DNAH8: variants seen among roughly 807,000 people sequenced by gnomAD.
DNAH8 encodes the protein dynein axonemal heavy chain 8.
A neutral mutation model predicts 562.1 loss-of-function variants in DNAH8; 382 were observed. The ratio of observed to expected loss-of-function variants is 0.68; its 90% CI spans 0.63 to 0.74. The LOEUF is 0.74. Among genes scored for constraint, DNAH8 ranks in the 30% least tolerant of loss-of-function variants. The pLI is 0.00. For synonymous variants in DNAH8, 1,881 were observed against 1,919.4 expected, an observed-to-expected ratio of 0.98 and a Z score of 0.52; for missense variants, 5,203 against 5,620.4, an observed-to-expected ratio of 0.93 and a Z score of 2.37.
In DNAH8 at chr6:38,909,647, A is replaced by T. The variant is rs145107574; in HGVS notation, c.9643A>T (p.Asn3215Tyr). 2.3e-4 allele frequency: 369 copies of T among 1,614,160 alleles called. 1 individual carries two copies. In the African/African-American group the frequency reaches 4.4e-3, roughly 19 times the overall value. ...GGCCTCCTACTTCCTTTCAGACTAT[A>T]ATATTGTCTGCTCTAGTGAAATTAA... Reference protein sequence around the residue: ...AVASYFLSDYNIVCSSEIKRQ... With the variant: ...AVASYFLSDYYIVCSSEIKRQ... Residue 3215 changes from asparagine (N) to tyrosine (Y), a missense_variant, in exon 65 of 93, where the codon AAT (asparagine) becomes TAT (tyrosine). Asn to Tyr is a moderately radical substitution (Grantham distance 143, BLOSUM62 -2). Transcript: ENST00000327475.
intron 67 of DNAH8, among the ~76,000 whole-genome samples, chr6:38,914,323 A>T (rs549122247): frequency 9.3e-5 from 14 of 150,320 alleles, no homozygotes; most frequent in East Asian, 7.8e-4. Flanking sequence ...TTTTTTTTTT[A>T]AAAGAAAGAA....
At chr6:38,757,268 CCAGTGATGATGAG>C (rs1433792234) in intron 10 of DNAH8, among the ~76,000 whole-genome samples, 5 of 152,012 alleles carry the variant, frequency 3.3e-5, no homozygotes, top group African/African-American at 1.2e-4. Context: ...TCTCTGATGG[CCAGTGATGATGAG>C]CATTTTTTCA....
chr6:38,834,524 A>G (rs1348781408), intron 31 of DNAH8, 55 bp from the exon 32 acceptor site: 2 of 1,240,178 alleles, frequency 1.6e-6, no homozygotes, highest in African/African-American at 1.5e-5. Context: ...AACCCAATAA[A>G]CTGACAAATA....
intron 39 of DNAH8, 152 bp downstream of exon 39, chr6:38,851,826 G>A: frequency 3.1e-6 from 2 of 645,200 alleles, no homozygotes; most frequent in Non-Finnish European, 5.4e-6. Context: ...TGTGTATTTG[G>A]AGCCTGTCAT....
intron 72 of DNAH8, among the ~76,000 whole-genome samples, chr6:38,923,733 C>G (rs1781897631): frequency 6.6e-6 from 1 of 152,142 alleles, no homozygotes; most frequent in East Asian, 1.9e-4. Flanking sequence ...ACTTTCCTCA[C>G]AGTATCAAGG....
chr6:38,870,199 G>A (rs1370092673), intron 48 of DNAH8, among the ~76,000 whole-genome samples: 3 of 152,164 alleles, frequency 2.0e-5, no homozygotes, highest in Non-Finnish European at 2.9e-5. Context: ...TGGGAGCTAC[G>A]ATTCCAGATG....
chr6:38,873,523 T>A, intron 52 of DNAH8, 147 bp downstream of exon 52: 1 of 698,070 alleles, frequency 1.4e-6, no homozygotes, highest in East Asian at 2.9e-5. Flanking sequence ...AATTTTGATT[T>A]CTATTAAAGA....
chr6:38,939,164 CT>C (rs1783231365), intron 79 of DNAH8, among the ~76,000 whole-genome samples, 176 bp downstream of exon 79: 1 of 152,082 alleles, frequency 6.6e-6, no homozygotes, highest in South Asian at 2.1e-4. Flanking sequence ...GCCCTAGTTA[CT>C]TAAGATTCAG....
At chr6:38,932,610 C>T (rs1782641946) in intron 76 of DNAH8, among the ~76,000 whole-genome samples, 1 of 152,012 alleles carries the variant, frequency 6.6e-6, no homozygotes. Flanking sequence ...TATGTATCTG[C>T]ATTATAAAGT....
chr6:38,920,654 A>G (rs575607677), intron 70 of DNAH8, among the ~76,000 whole-genome samples: 1 of 152,318 alleles, frequency 6.6e-6, no homozygotes, highest in South Asian at 2.1e-4. Context: ...GTATATGAGT[A>G]GGAAAAAGGT....
chr6:39,010,126 T>C (rs1451456359), intron 89 of DNAH8, among the ~76,000 whole-genome samples: 1 of 126,190 alleles, frequency 7.9e-6, no homozygotes, highest in Non-Finnish European at 1.6e-5. Context: ...AAGACCTTTG[T>C]TCTGGTGATT....
At chr6:39,024,551 G>T (rs529375501) in intron 91 of DNAH8, among the ~76,000 whole-genome samples, 1 of 152,250 alleles carries the variant, frequency 6.6e-6, no homozygotes, top group East Asian at 1.9e-4. Flanking sequence ...AAGTTGCCTG[G>T]CACAGTGGCT....
rs573976373 is a variant in DNAH8, at chr6:38,899,386, G to T, written c.9064-390G>T. Among the ~76,000 whole-genome samples, 7 of 152,292 alleles carry T rather than the reference G, an allele frequency of 4.6e-5. No individual in the cohort carries two copies. In the East Asian group the frequency reaches 1.3e-3, roughly 29 times the overall value. Reference sequence around the variant, plus strand: ...GTGTCTACATGATTCAGTGTGTCAGGCTGATGAATAATAAAAAAACAATTG... The same window carrying T: ...GTGTCTACATGATTCAGTGTGTCAGTCTGATGAATAATAAAAAAACAATTG... On this transcript the variant is annotated intron_variant, in intron 61 of 92. Coordinates refer to ENST00000327475, the MANE Select transcript of DNAH8 (RefSeq NM_001206927.2).
intron 60 of DNAH8, among the ~76,000 whole-genome samples, chr6:38,897,184 G>C (rs1779761646): frequency 6.6e-6 from 1 of 152,066 alleles, no homozygotes. Context: ...TTTTTAAATA[G>C]TTACCAAAAA....
rs533990732 is a variant in DNAH8, at chr6:38,875,787, G to T, written c.7817G>T (p.Gly2606Val). The T allele has an allele frequency of 3.7e-6, 6 of 1,613,840 alleles. No individual in the cohort carries two copies. In the South Asian group the frequency reaches 6.6e-5, roughly 18 times the overall value. ...TTGGACTTACCAGAAATACCTAAAGGCTCAAATCAAACCATGTATGAGTTT... is the reference window on the plus strand; with the variant it reads ...TTGGACTTACCAGAAATACCTAAAGTCTCAAATCAAACCATGTATGAGTTT... Reference protein sequence around the residue: ...SKLDLPEIPKGSNQTMYEFYV... With the variant: ...SKLDLPEIPKVSNQTMYEFYV... The change falls in exon 53 of 93, where the codon GGC becomes GTC. Residue 2606 changes from glycine to valine, a missense_variant. This residue lies in a region of DNAH8 where 977 missense variants were observed against 1,061.8 expected (regional missense o/e 0.92). Coordinates refer to ENST00000327475, the MANE Select transcript of DNAH8 (RefSeq NM_001206927.2).
intron 8 of DNAH8, among the ~76,000 whole-genome samples, chr6:38,743,665 A>G (rs1764697719): frequency 6.6e-6 from 1 of 152,054 alleles, no homozygotes; most frequent in African/African-American, 2.4e-5. Context: ...ACTTAGCATA[A>G]TGTTTTCAAG....
In DNAH8 at chr6:38,818,126, T is replaced by C. The variant is rs188231182; in HGVS notation, c.3523+2469T>C. Among the ~76,000 whole-genome samples, 1,034 of 152,266 alleles carry C rather than the reference T, an allele frequency of 6.8e-3. 11 individuals are homozygous for C. The highest frequency in any genetic ancestry group is 0.023 in the African/African-American group (965 of 41,560). Reference sequence around the variant, plus strand: ...TTTGGGATTGTGTTTTCTGAGATTATGAATCAAACCCAGTTCTTTCTTCAG... The same window carrying C: ...TTTGGGATTGTGTTTTCTGAGATTACGAATCAAACCCAGTTCTTTCTTCAG... On this transcript the variant is annotated intron_variant, in intron 26 of 92. Coordinates refer to ENST00000327475, the MANE Select transcript of DNAH8 (RefSeq NM_001206927.2).
chr6:38,875,847 A>G lies in DNAH8; in HGVS notation c.7858+19A>G, dbSNP rs1777954867. 6.7e-7 allele frequency: 1 copy of G among 1,501,396 alleles called. No individual in the cohort carries two copies. Among genetic ancestry groups the G allele is most frequent in the Middle Eastern group, 1.8e-4 (1 of 5,638 alleles). The allele number at this position is 1,501,396 out of a possible 1,614,324, so 93.0% of individuals were successfully genotyped here. ...GATTATGGTAAGCCCACTGAACTAT[A>G]CCTTAAATGAAATGACTTTTTTCAA... On this transcript the variant is annotated intron_variant, in intron 53 of 92. Transcript: ENST00000327475.
rs2127640078 is a variant in DNAH8 at position 38,781,464 on chromosome 6, T to G, written c.2259+91T>G. On this transcript the variant is annotated intron_variant, in intron 16 of 92. Coordinates refer to ENST00000327475, the MANE Select transcript of DNAH8 (RefSeq NM_001206927.2). ...CCTATAATATTTGTGTGCATTAAAG[T>G]AGCCAACAACGAGCCAATTCTTTTA... The G allele has an allele frequency of 9.8e-6, 14 of 1,427,592 alleles. No homozygotes were observed. In the Middle Eastern group the frequency reaches 2.3e-3, roughly 231 times the overall value. 88.4% of individuals were successfully genotyped at this position (1,427,592 alleles called of 1,614,324 possible).
Sources: gnomAD v4.1 joint callset for allele counts (sites outside exome capture counted in the v4.1 genomes callset) on GRCh38, gnomAD v4.1.1 for gene constraint, gnomAD v4.1.1 regional missense constraint, MANE v1.5 for transcripts, NCBI Gene and HGNC (gene_info 2026-07-23, HGNC 2026-07-21) for gene names.